The following CNTLN variants were observed in gnomAD, a reference collection of about 807,000 sequenced individuals.
CNTLN encodes the protein centlein, also known as centlein, centrosomal protein.
In CNTLN, 212 loss-of-function variants were observed where a neutral mutation model predicts 180.0. That is an observed-to-expected ratio of 1.18 (90% CI 1.05 to 1.32). CNTLN has a LOEUF of 1.32. CNTLN is among the 40% of genes most tolerant of loss of function. CNTLN has a pLI of 0.00. For missense variants in CNTLN, 2,095 were observed against 1,610.9 expected, an observed-to-expected ratio of 1.30 and a Z score of -5.14; for synonymous variants, 722 against 563.1, an observed-to-expected ratio of 1.28 and a Z score of -3.99.
intron 18 of CNTLN, among the ~76,000 whole-genome samples, chr9:17,434,828 C>CT (rs1336191218): frequency 6.6e-6 from 1 of 150,466 alleles, no homozygotes; most frequent in African/African-American, 2.4e-5. Flanking sequence ...GACAACAGTT[C>CT]TTTAAGAAAA....
intron 2 of CNTLN, among the ~76,000 whole-genome samples, chr9:17,152,672 A>C (rs924463130): frequency 8.5e-5 from 13 of 152,190 alleles, no homozygotes; most frequent in African/African-American, 3.1e-4. Context: ...GATGTCTATT[A>C]GGTCCCCCTG....
chr9:17,340,626 T>C (rs1397834561), intron 10 of CNTLN, among the ~76,000 whole-genome samples: 1 of 152,186 alleles, frequency 6.6e-6, no homozygotes, highest in Admixed American at 6.6e-5. Context: ...AAAAATGCAT[T>C]GACTGAGTTG....
intron 20 of CNTLN, among the ~76,000 whole-genome samples, chr9:17,463,360 T>TATA (rs1831561760): frequency 6.6e-6 from 1 of 151,640 alleles, no homozygotes; most frequent in East Asian, 1.9e-4. Flanking sequence ...ATTTAATGCC[T>TATA]AAGCTTATAA....
At position 17,470,046 on chromosome 9, in the gene CNTLN, C is replaced by T. The variant is rs532670324; in HGVS notation, c.3855+3155C>T. Among the ~76,000 whole-genome samples, 6 of 151,970 alleles carry T rather than the reference C, an allele frequency of 3.9e-5. No individual in the cohort carries two copies. In the East Asian group the frequency reaches 9.7e-4, roughly 24 times the overall value. Reference sequence around the variant, plus strand: ...TAGCAGTAGTAGTATGGCTCTGACTCGTCTCCTGAACATTTATTATATGTA... The same window carrying T: ...TAGCAGTAGTAGTATGGCTCTGACTTGTCTCCTGAACATTTATTATATGTA... On this transcript the variant is annotated intron_variant, in intron 23 of 25. Coordinates refer to ENST00000380647, the MANE Select transcript of CNTLN (RefSeq NM_017738.4).
intron 3 of CNTLN, among the ~76,000 whole-genome samples, chr9:17,234,297 A>G (rs1325591336): frequency 1.3e-5 from 2 of 151,984 alleles, no homozygotes; most frequent in Non-Finnish European, 2.9e-5. Flanking sequence ...ATTAAAAATT[A>G]GCTGGGTTGG....
chr9:17,228,409 A>T (rs1490057789), intron 3 of CNTLN, among the ~76,000 whole-genome samples: 4 of 151,974 alleles, frequency 2.6e-5, no homozygotes. Flanking sequence ...TAATCATTTC[A>T]TTTTTGTGCA....
chr9:17,359,724 A>AAAAAAAAAAAAAAAAAAAAAAAAAAC (rs1823159136), intron 12 of CNTLN, among the ~76,000 whole-genome samples: 1 of 39,402 alleles, frequency 2.5e-5, no homozygotes, highest in Non-Finnish European at 6.2e-5. Context: ...TACTAAAAAT[A>AAAAAAAAAAAAAAAAAAAAAAAAAAC]CAAAAAAAAA....
At chr9:17,452,959 T>C (rs749948032) in intron 18 of CNTLN, among the ~76,000 whole-genome samples, 88 of 152,108 alleles carry the variant, frequency 5.8e-4, no homozygotes, top group Non-Finnish European at 3.1e-4. Context: ...AGGCAATTTA[T>C]ATTTCTAGCA....
At chr9:17,521,278 A>AGAGAGAGAGAGAGAGAG in the CNTLN span, among the ~76,000 whole-genome samples, 1 of 150,932 alleles carries the variant, frequency 6.6e-6, no homozygotes. Context: ...AGAGAGAGAG[A>AGAGAGAGAGAGAGAGAG]GAGAGAGAGA....
At chr9:17,430,483 G>A (rs1306214463) in intron 18 of CNTLN, among the ~76,000 whole-genome samples, 8 of 151,914 alleles carry the variant, frequency 5.3e-5, no homozygotes, top group Non-Finnish European at 1.2e-4. Flanking sequence ...TGCATACAAT[G>A]TGAATTGTAT....
chr9:17,358,401 T>C (rs1823021186), intron 12 of CNTLN, among the ~76,000 whole-genome samples: 1 of 152,244 alleles, frequency 6.6e-6, no homozygotes, highest in South Asian at 2.1e-4. Context: ...TTTCTAAGTG[T>C]AAAATGTTTA....
intron 13 of CNTLN, among the ~76,000 whole-genome samples, chr9:17,385,671 A>G (rs1286976893): frequency 6.6e-6 from 1 of 152,216 alleles, no homozygotes; most frequent in East Asian, 1.9e-4. Flanking sequence ...TTTGAAAAAA[A>G]ATTGTATCTG....
intron 13 of CNTLN, among the ~76,000 whole-genome samples, chr9:17,367,926 T>C (rs1823968867): frequency 6.6e-6 from 1 of 151,938 alleles, no homozygotes; most frequent in Non-Finnish European, 1.5e-5. Flanking sequence ...TCCCCAGCTG[T>C]GGTGGCTGTG....
intron 6 of CNTLN, among the ~76,000 whole-genome samples, chr9:17,289,493 T>G (rs1215905809): frequency 7.3e-6 from 1 of 137,068 alleles, no homozygotes; most frequent in African/African-American, 3.1e-5. Context: ...TGTCTTGGAG[T>G]TGCTCTTCTG....
chr9:17,322,495 C>A (rs1198553784), intron 8 of CNTLN, among the ~76,000 whole-genome samples: 1 of 152,108 alleles, frequency 6.6e-6, no homozygotes, highest in Non-Finnish European at 1.5e-5. Context: ...CAGAATGAAA[C>A]AGCCCAAGAT....
intron 6 of CNTLN, among the ~76,000 whole-genome samples, chr9:17,297,247 A>G (rs756485176): frequency 6.6e-6 from 1 of 152,224 alleles, no homozygotes; most frequent in Non-Finnish European, 1.5e-5. Flanking sequence ...GAGATGACTT[A>G]AAGTATTTGG....
intron 2 of CNTLN, among the ~76,000 whole-genome samples, chr9:17,210,238 G>A (rs879305701): frequency 5.3e-5 from 8 of 152,016 alleles, no homozygotes; most frequent in Non-Finnish European, 7.4e-5. Context: ...GACAGGCCCC[G>A]GTGTGTAATG....
chr9:17,327,408 T>G (rs1820374176), intron 8 of CNTLN, among the ~76,000 whole-genome samples: 1 of 151,150 alleles, frequency 6.6e-6, no homozygotes, highest in African/African-American at 2.4e-5. Flanking sequence ...ATGGTCTCGA[T>G]CTCCTGACCT....
intron 25 of CNTLN, among the ~76,000 whole-genome samples, chr9:17,496,433 A>C (rs1833461418): frequency 6.6e-6 from 1 of 152,062 alleles, no homozygotes; most frequent in African/African-American, 2.4e-5. Context: ...GGAGCGAGTA[A>C]GCTCTCCTAT....
Sources: gnomAD v4.1 joint callset for allele counts (sites outside exome capture counted in the v4.1 genomes callset) on GRCh38, gnomAD v4.1.1 for gene constraint, MANE v1.5 for transcripts, NCBI Gene and HGNC (gene_info 2026-07-23, HGNC 2026-07-21) for gene names.